ANKS1B: variants seen among roughly 807,000 people sequenced by gnomAD.
ANKS1B encodes ankyrin repeat and sterile alpha motif domain containing 1B.
Under a neutral mutation model 148.3 loss-of-function variants are expected in ANKS1B, and 36 were observed. The ratio of observed to expected loss-of-function variants is 0.24; its 90% CI spans 0.19 to 0.32. The LOEUF (loss-of-function observed/expected upper bound fraction) is 0.32, where lower values mean the gene tolerates loss of function less well. ANKS1B is among the 10% of genes least tolerant of loss of function. The pLI, the probability that ANKS1B is intolerant of heterozygous loss-of-function variation, is 1.00. For synonymous variants in ANKS1B, 542 were observed against 560.8 expected (o/e 0.97, Z 0.47); for missense variants, 1,157 against 1,542.6 (o/e 0.75, Z 4.19).
In ANKS1B at chr12:99,946,027, G is replaced by A. The variant is rs2153819285; in HGVS notation, c.134+38077C>T. On this transcript the variant is annotated intron_variant, in intron 1 of 26. Transcript: ENST00000683438. ...CCAATATCTGGAGGGAGGCTGCCAT[G>A]GAGAATCCCCCAGATCCACTCTGGT... 1.3e-5 allele frequency among the ~76,000 whole-genome samples: 2 copies of A among 152,280 alleles called. 1 individual carries two copies. The highest frequency in any genetic ancestry group is 4.1e-4 in the South Asian group (2 of 4,832).
At chr12:99,300,792 G>C (rs2081492427) in intron 12 of ANKS1B, among the ~76,000 whole-genome samples, 1 of 152,156 alleles carries the variant, frequency 6.6e-6, no homozygotes, top group African/African-American at 2.4e-5. Context: ...GGCATACTTT[G>C]GCTGTGCAGT....
intron 12 of ANKS1B, among the ~76,000 whole-genome samples, chr12:99,359,307 C>A (rs1055781656): frequency 6.6e-6 from 1 of 152,002 alleles, no homozygotes; most frequent in Non-Finnish European, 1.5e-5. Context: ...ATTTTCCTAC[C>A]TTTCTCTCTT....
intron 12 of ANKS1B, among the ~76,000 whole-genome samples, chr12:99,390,697 A>AG (rs2094031296): frequency 6.6e-6 from 1 of 152,224 alleles, no homozygotes; most frequent in East Asian, 1.9e-4. Flanking sequence ...CCCTGTGGTA[A>AG]GGACTAGCAA....
chr12:99,389,801 A>C (rs1300862493), intron 12 of ANKS1B, among the ~76,000 whole-genome samples: 5 of 152,200 alleles, frequency 3.3e-5, no homozygotes, highest in Non-Finnish European at 5.9e-5. Context: ...TTAAAAAAAA[A>C]CAGATTTTCA....
At chr12:98,918,358 C>T (rs556117972) in intron 17 of ANKS1B, among the ~76,000 whole-genome samples, 65 of 152,244 alleles carry the variant, frequency 4.3e-4, no homozygotes, top group African/African-American at 1.3e-3. Flanking sequence ...CATGTGTAAG[C>T]GGAAGCTATG....
At chr12:99,089,879 A>G (rs1351475475) in intron 15 of ANKS1B, among the ~76,000 whole-genome samples, 1 of 152,216 alleles carries the variant, frequency 6.6e-6, no homozygotes, top group Non-Finnish European at 1.5e-5. Flanking sequence ...AAATAACAAT[A>G]ATCAATAAAT....
chr12:99,712,745 A>G lies in ANKS1B; in HGVS notation c.1129-57535T>C, dbSNP rs1329652865. 2.0e-5 allele frequency among the ~76,000 whole-genome samples: 3 copies of G among 152,184 alleles called. No individual in the cohort carries two copies. The East Asian group carries it at 5.8e-4, about 29-fold the overall frequency. ...TAAGATAATCAATATAGACATTCTC[A>G]TTGGGAGAAAATAGAAGGGGAAAAA... On this transcript the variant is annotated intron_variant, in intron 8 of 26. Transcript: ENST00000683438.
At chr12:99,074,153 G>A (rs1242182778) in intron 16 of ANKS1B, among the ~76,000 whole-genome samples, 1 of 152,162 alleles carries the variant, frequency 6.6e-6, no homozygotes, top group Non-Finnish European at 1.5e-5. Context: ...TTTATTAAAT[G>A]GGGGTGAACT....
chr12:99,751,363 G>A (rs577046459), intron 8 of ANKS1B, among the ~76,000 whole-genome samples: 4 of 151,896 alleles, frequency 2.6e-5, no homozygotes, highest in East Asian at 1.9e-4. Flanking sequence ...AAAGCATCTC[G>A]AAAGTAACAA....
At chr12:99,695,727 C>G (rs747629663) in intron 8 of ANKS1B, among the ~76,000 whole-genome samples, 1 of 151,856 alleles carries the variant, frequency 6.6e-6, no homozygotes, top group Non-Finnish European at 1.5e-5. Context: ...TGGGGCCTGT[C>G]GGGGGAGGGT....
intron 9 of ANKS1B, among the ~76,000 whole-genome samples, chr12:99,555,015 C>T (rs1311323432): frequency 6.6e-6 from 1 of 152,042 alleles, no homozygotes; most frequent in East Asian, 1.9e-4. Flanking sequence ...TATGTTGCTG[C>T]AAAAGACATG....
At chr12:99,209,032 A>G (rs1451729386) in intron 14 of ANKS1B, among the ~76,000 whole-genome samples, 3 of 152,166 alleles carry the variant, frequency 2.0e-5, no homozygotes, top group Admixed American at 6.5e-5. Context: ...ACATGATACA[A>G]TTGGAAATAC....
chr12:99,494,913 G>A (rs1464804627), intron 10 of ANKS1B, among the ~76,000 whole-genome samples: 1 of 151,942 alleles, frequency 6.6e-6, no homozygotes, highest in Non-Finnish European at 1.5e-5. Flanking sequence ...AAGGTTACAG[G>A]GCAGTTGCAT....
intron 9 of ANKS1B, among the ~76,000 whole-genome samples, chr12:99,546,381 A>G (rs1432243648): frequency 3.3e-5 from 5 of 152,156 alleles, no homozygotes; most frequent in African/African-American, 1.2e-4. Flanking sequence ...AAATTATGCC[A>G]CATCATATAA....
chr12:98,776,819 G>A (rs760703355), intron 24 of ANKS1B, among the ~76,000 whole-genome samples: 5 of 152,200 alleles, frequency 3.3e-5, no homozygotes, highest in Admixed American at 6.5e-5. Context: ...TGTGGGGCAC[G>A]TGATGCTGAG....
At chr12:99,679,187 A>G (rs886821695) in intron 8 of ANKS1B, among the ~76,000 whole-genome samples, 1 of 152,270 alleles carries the variant, frequency 6.6e-6, no homozygotes, top group East Asian at 1.9e-4. Context: ...GATGTGATCA[A>G]AGAAATAATA....
At chr12:99,334,007 A>G (rs1449661658) in intron 12 of ANKS1B, among the ~76,000 whole-genome samples, 1 of 151,742 alleles carries the variant, frequency 6.6e-6, no homozygotes, top group Non-Finnish European at 1.5e-5. Context: ...TTTTGAATTT[A>G]TTTAGAAAGC....
chr12:99,710,306 G>C (rs767014310), intron 8 of ANKS1B, among the ~76,000 whole-genome samples: 1 of 152,144 alleles, frequency 6.6e-6, no homozygotes, highest in Non-Finnish European at 1.5e-5. Context: ...AAAACTGAAA[G>C]TGATACCATC....
chr12:99,358,839 G>A (rs141517718), intron 12 of ANKS1B, among the ~76,000 whole-genome samples: 2 of 152,086 alleles, frequency 1.3e-5, no homozygotes, highest in Non-Finnish European at 2.9e-5. Context: ...CATCCCTTAT[G>A]GAGCTAAAAG....
Sources: allele counts gnomAD v4.1 joint callset (sites outside exome capture counted in the v4.1 genomes callset), GRCh38; gene constraint gnomAD v4.1.1; transcripts MANE v1.5; gene names NCBI Gene and HGNC (gene_info 2026-07-23, HGNC 2026-07-21).